LMNTD1: variants seen among roughly 807,000 people sequenced by gnomAD.
LMNTD1 encodes lamin tail domain containing 1.
LMNTD1 carries 35 observed loss-of-function variants against 50.9 expected under a neutral mutation model. That is an observed-to-expected ratio of 0.69 (90% CI 0.53 to 0.91). LMNTD1 has a LOEUF of 0.91. LMNTD1 is among the 40% of genes least tolerant of loss of function. The pLI is 0.00. For missense variants in LMNTD1, 470 were observed against 475.5 expected (o/e 0.99, Z 0.11); for synonymous variants, 153 against 161.9 (o/e 0.94, Z 0.42).
At position 25,541,440 on chromosome 12, in the gene LMNTD1, T is replaced by C. The variant is rs1334158023; in HGVS notation, c.491+4934A>G. ...CACATATCTACAACTATCTGATCTT[T>C]GACAAACCTGAGAAAAACAAGCAAT... On this transcript the variant is annotated intron_variant, in intron 4 of 9. Transcript: ENST00000458174. Among the ~76,000 whole-genome samples, 53 of 141,002 alleles carry C rather than the reference T, an allele frequency of 3.8e-4. No individual in the cohort carries two copies. In the East Asian group the frequency reaches 0.01, roughly 27 times the overall value. 92.5% of individuals were successfully genotyped at this position (141,002 alleles called of 152,430 possible). A position where few individuals can be genotyped will look rare whatever the true frequency, so the allele number is the denominator to read the frequency against.
At chr12:25,642,785 A>G in intron 1 of LMNTD1, among the ~76,000 whole-genome samples, 1 of 152,368 alleles carries the variant, frequency 6.6e-6, no homozygotes, top group Non-Finnish European at 1.5e-5. Flanking sequence ...TATTTGAGTC[A>G]GAGCTACCTT....
chr12:25,530,963 G>A (rs1471266955), intron 4 of LMNTD1, among the ~76,000 whole-genome samples: 1 of 152,166 alleles, frequency 6.6e-6, no homozygotes, highest in Non-Finnish European at 1.5e-5. Flanking sequence ...GCAGCGGGAG[G>A]GAAGTCAGAG....
At chr12:25,498,577 T>C (rs1026953510) in intron 9 of LMNTD1, among the ~76,000 whole-genome samples, 2 of 152,154 alleles carry the variant, frequency 1.3e-5, no homozygotes, top group African/African-American at 4.8e-5. Context: ...GTAGACTTGA[T>C]AGTTGGGTTG....
chr12:25,629,889 G>C (rs1442309803), intron 1 of LMNTD1, among the ~76,000 whole-genome samples: 3 of 152,106 alleles, frequency 2.0e-5, no homozygotes, highest in East Asian at 3.9e-4. Flanking sequence ...ACCCCAAAGA[G>C]ATCTGACTTT....
In LMNTD1 at chr12:25,553,162, T is replaced by C. The variant is rs1591998574; in HGVS notation, c.-124A>G. 2 of 1,607,632 alleles carry C rather than the reference T, an allele frequency of 1.2e-6. No homozygotes were observed. The highest frequency in any genetic ancestry group is 1.7e-6 in the Non-Finnish European group (2 of 1,178,130). On this transcript the variant is annotated 5_prime_UTR_variant, in exon 1 of 10. Coordinates refer to ENST00000458174, the MANE Select transcript of LMNTD1 (RefSeq NM_001145728.2). Reference sequence around the variant, plus strand: ...CACAATTCTCATGAGGATATGTAAGTACCAACATAGCCAATCCTGATCTTG... The same window carrying C: ...CACAATTCTCATGAGGATATGTAAGCACCAACATAGCCAATCCTGATCTTG...
At chr12:25,506,313 T>C (rs951615351) in intron 8 of LMNTD1, among the ~76,000 whole-genome samples, 2 of 152,172 alleles carry the variant, frequency 1.3e-5, no homozygotes, top group African/African-American at 2.4e-5. Context: ...ATGATAACAT[T>C]TACATAGAAG....
At chr12:25,502,357 G>A (rs1362305838) in intron 9 of LMNTD1, among the ~76,000 whole-genome samples, 1 of 152,136 alleles carries the variant, frequency 6.6e-6, no homozygotes. Flanking sequence ...AAATGCCTGG[G>A]CAGATTTCAG....
intron 1 of LMNTD1, among the ~76,000 whole-genome samples, chr12:25,559,642 A>C (rs1417061967): frequency 6.6e-6 from 1 of 152,212 alleles, no homozygotes; most frequent in African/African-American, 2.4e-5. Flanking sequence ...CAATGGTTGA[A>C]CTAGTTTACA....
At chr12:25,504,580 A>G (rs961468036) in intron 8 of LMNTD1, among the ~76,000 whole-genome samples, 6 of 152,348 alleles carry the variant, frequency 3.9e-5, no homozygotes, top group African/African-American at 1.4e-4. Context: ...TTGGAAAAAA[A>G]CAAAATAAAA....
chr12:25,508,365 C>T (rs962569584), intron 8 of LMNTD1, among the ~76,000 whole-genome samples: 14 of 151,984 alleles, frequency 9.2e-5, no homozygotes, highest in African/African-American at 1.5e-4. Flanking sequence ...ATTTTATATA[C>T]GCAAAAATCA....
chr12:25,625,888 T>G (rs1946578977), intron 1 of LMNTD1, among the ~76,000 whole-genome samples: 1 of 152,140 alleles, frequency 6.6e-6, no homozygotes, highest in Non-Finnish European at 1.5e-5. Context: ...ACAGCCCTTG[T>G]TCCTCAAGGT....
At chr12:25,640,950 A>C (rs1336369463) in intron 1 of LMNTD1, among the ~76,000 whole-genome samples, 2 of 152,224 alleles carry the variant, frequency 1.3e-5, no homozygotes, top group African/African-American at 4.8e-5. Context: ...TACAGGCGTA[A>C]GCCACCGTGC....
At chr12:25,484,763 T>C (rs1591817315) in intron 9 of LMNTD1, among the ~76,000 whole-genome samples, 1 of 147,016 alleles carries the variant, frequency 6.8e-6, no homozygotes, top group Admixed American at 6.9e-5. Context: ...TGTTTGGTTT[T>C]TTCTTCTTGC....
intron 1 of LMNTD1, among the ~76,000 whole-genome samples, chr12:25,561,704 T>C (rs992369855): frequency 2.0e-5 from 3 of 152,166 alleles, no homozygotes; most frequent in African/African-American, 7.2e-5. Context: ...CTTGTTAACT[T>C]TCTGTCTCGT....
chr12:25,486,609 T>G (rs1435557399), intron 9 of LMNTD1, among the ~76,000 whole-genome samples: 5 of 148,968 alleles, frequency 3.4e-5, no homozygotes, highest in African/African-American at 1.2e-4. Context: ...GCTTCCAGTT[T>G]TTGCCCATTC....
chr12:25,633,933 G>T (rs949926475), intron 1 of LMNTD1, among the ~76,000 whole-genome samples: 3 of 152,154 alleles, frequency 2.0e-5, no homozygotes, highest in African/African-American at 7.2e-5. Context: ...TAGACCATTA[G>T]CAAGATTAAC....
chr12:25,552,276 A>T (rs1186718404), intron 2 of LMNTD1, among the ~76,000 whole-genome samples: 1 of 152,122 alleles, frequency 6.6e-6, no homozygotes, highest in African/African-American at 2.4e-5. Context: ...GTTCTGTAAA[A>T]TAGTTCTAGA....
Position 25,549,437 on chromosome 12 carries a change from G to C in LMNTD1, c.199C>G (p.Leu67Val), listed in dbSNP as rs768419387. 7.4e-6 allele frequency: 12 copies of C among 1,613,176 alleles called. No homozygotes were observed. The highest frequency in any genetic ancestry group is 3.3e-4 in the Middle Eastern group (2 of 6,056). Residue 67 changes from leucine (L) to valine (V), a missense_variant, in exon 3 of 10, where the codon CTT (leucine) becomes GTT (valine). Coordinates refer to ENST00000458174, the MANE Select transcript of LMNTD1 (RefSeq NM_001145728.2). ...TGAGGACTAGACAGATAGTAACCAA[G>C]AGGCATTCCACTGGAATTTGAAGAT... ...LSSSNSSGMP[L>V]GYYLSSPQIS...
rs117262410 is a variant in LMNTD1, at chr12:25,531,526, T to C, written c.492-4571A>G. ...TTTCTTTGAAGGTAAATGTCCTTTTTCTCTGGCTGACTTTAAGACTTTTTT... is the reference window on the plus strand; with the variant it reads ...TTTCTTTGAAGGTAAATGTCCTTTTCCTCTGGCTGACTTTAAGACTTTTTT... On this transcript the variant is annotated intron_variant, in intron 4 of 9. Transcript: ENST00000458174. 5.5e-3 allele frequency among the ~76,000 whole-genome samples: 845 copies of C among 152,334 alleles called. 10 individuals carry two copies. Among genetic ancestry groups the C allele is most frequent in the Non-Finnish European group, 9.6e-3 (650 of 68,024 alleles).
Sources: allele counts gnomAD v4.1 joint callset (sites outside exome capture counted in the v4.1 genomes callset), GRCh38; gene constraint gnomAD v4.1.1; transcripts MANE v1.5; gene names NCBI Gene and HGNC (gene_info 2026-07-23, HGNC 2026-07-21).